The following NOL4L variants were observed in gnomAD, a reference collection of about 807,000 sequenced individuals.
The protein encoded by NOL4L is nucleolar protein 4 like.
NOL4L carries 7 observed loss-of-function variants against 64.5 expected under a neutral mutation model. The ratio of observed to expected loss-of-function variants is 0.11; its 90% CI spans 0.06 to 0.20. NOL4L has a LOEUF of 0.20. NOL4L is among the 10% of genes least tolerant of loss of function. The pLI is 1.00. For missense variants in NOL4L, 680 were observed against 967.1 expected (o/e 0.70, Z 3.94); for synonymous variants, 413 against 401.0 (o/e 1.03, Z -0.36).
At chr20:32,500,962 T>C (rs756733992) in intron 4 of NOL4L, among the ~76,000 whole-genome samples, 1 of 152,200 alleles carries the variant, frequency 6.6e-6, no homozygotes, top group African/African-American at 2.4e-5. Flanking sequence ...ACAAATCTCC[T>C]ATGCATAAGC....
At chr20:32,535,668 A>AT (rs1312602225) in intron 1 of NOL4L, 1 of 985,298 alleles carries the variant, frequency 1.0e-6, no homozygotes, top group Non-Finnish European at 1.2e-6. Context: ...ACGGCGCTAC[A>AT]TTTGAGGATG....
chr20:32,476,831 C>T (rs2015428124), intron 4 of NOL4L, among the ~76,000 whole-genome samples: 1 of 152,232 alleles, frequency 6.6e-6, no homozygotes, highest in African/African-American at 2.4e-5. Flanking sequence ...TTTGCCAGGG[C>T]AGCCCAGAAA....
chr20:32,461,623 C>G (rs1392478369), intron 5 of NOL4L, among the ~76,000 whole-genome samples: 1 of 151,188 alleles, frequency 6.6e-6, no homozygotes, highest in Non-Finnish European at 1.5e-5. Flanking sequence ...GGGGTTTCAC[C>G]GTGTTAGCCA....
chr20:32,582,733 G>A (rs1190928458), intron 1 of NOL4L, among the ~76,000 whole-genome samples: 1 of 152,234 alleles, frequency 6.6e-6, no homozygotes, highest in East Asian at 1.9e-4. Context: ...CCTGATGGCA[G>A]AGGGCACTGA....
In NOL4L at chr20:32,479,648, C is replaced by A. The variant is rs2015602169; in HGVS notation, c.700-4906G>T. On this transcript the variant is annotated intron_variant, in intron 4 of 10. Coordinates refer to ENST00000621426, the MANE Select transcript of NOL4L (RefSeq NM_001256798.2). Reference sequence around the variant, plus strand: ...CCCATGTGACTGGCCAGTCAGCTACCCCCTGGTTTCTCTAGCCTCTGCCCT... The same window carrying A: ...CCCATGTGACTGGCCAGTCAGCTACACCCTGGTTTCTCTAGCCTCTGCCCT... 2.0e-5 allele frequency among the ~76,000 whole-genome samples: 3 copies of A among 152,180 alleles called. No individual in the cohort carries two copies. In the South Asian group the frequency reaches 6.2e-4, roughly 32 times the overall value.
chr20:32,573,556 G>A (rs551567924), intron 1 of NOL4L: 8 of 156,666 alleles, frequency 5.1e-5, no homozygotes, highest in South Asian at 3.7e-4. Context: ...TCCACACCTT[G>A]GTATAGATAC....
rs1238799432 is a variant in NOL4L at position 32,563,994 on chromosome 20, G to A, written c.321+20576C>T. On this transcript the variant is annotated intron_variant, in intron 1 of 10. Coordinates refer to ENST00000621426, the MANE Select transcript of NOL4L (RefSeq NM_001256798.2). The stretch of plus-strand genomic sequence containing the variant: ...CTCCCAGGAAAGGCCGAGCTTGCAG[G>A]AGCAGGAAAGGTAATTGCTAATTTG... 2.0e-5 allele frequency among the ~76,000 whole-genome samples: 3 copies of A among 152,232 alleles called. No individual in the cohort carries two copies. In the East Asian group the frequency reaches 5.8e-4, roughly 29 times the overall value.
At chr20:32,515,019 C>T (rs557383401) in intron 3 of NOL4L, among the ~76,000 whole-genome samples, 3 of 152,180 alleles carry the variant, frequency 2.0e-5, no homozygotes, top group South Asian at 2.1e-4. Context: ...TACTGATGGT[C>T]GCCCCTGTCC....
intron 3 of NOL4L, among the ~76,000 whole-genome samples, chr20:32,514,719 C>T (rs371644597): frequency 2.0e-5 from 3 of 152,144 alleles, no homozygotes; most frequent in South Asian, 4.1e-4. Flanking sequence ...TTGACCGGGT[C>T]GGATGCCACA....
In NOL4L at chr20:32,474,939, G is replaced by A. The variant is rs575931855; in HGVS notation, c.700-197C>T. The A allele has an allele frequency of 1.3e-4, 128 of 985,432 alleles. No individual in the cohort carries two copies. The South Asian group carries it at 1.7e-3, about 13-fold the overall frequency. 61.0% of individuals were successfully genotyped at this position (985,432 alleles called of 1,614,324 possible). ...AGTGGCCCCGGCTCTGGTTCCTGTC[G>A]GAAGCCAAGGCTAAGGGCCGGCACT... is the stretch of plus-strand genomic sequence containing the variant. On this transcript the variant is annotated intron_variant, in intron 4 of 10. Transcript: ENST00000621426.
At chr20:32,488,849 T>G (rs1441856108) in intron 4 of NOL4L, among the ~76,000 whole-genome samples, 1 of 97,296 alleles carries the variant, frequency 1.0e-5, no homozygotes, top group Admixed American at 1.0e-4. Flanking sequence ...CTTTCTTTCT[T>G]TCTTTCTTTC....
intron 1 of NOL4L, among the ~76,000 whole-genome samples, chr20:32,573,211 C>G (rs1258761750): frequency 1.3e-5 from 2 of 152,024 alleles, no homozygotes; most frequent in Non-Finnish European, 1.5e-5. Context: ...GAGACACAGT[C>G]TCACTATATT....
intron 1 of NOL4L, chr20:32,535,881 C>T (rs987047242): frequency 2.0e-6 from 2 of 985,360 alleles, no homozygotes; most frequent in Non-Finnish European, 1.2e-6. Context: ...GGGAGGAGTA[C>T]TGTCCAGCAT....
intron 3 of NOL4L, among the ~76,000 whole-genome samples, chr20:32,517,301 C>T (rs1471356384): frequency 5.3e-5 from 8 of 152,210 alleles, no homozygotes; most frequent in African/African-American, 1.9e-4. Context: ...TCCCACCTTC[C>T]TGGGGCAGGA....
At chr20:32,458,115 G>T (rs1257938472) in intron 5 of NOL4L, among the ~76,000 whole-genome samples, 5 of 152,136 alleles carry the variant, frequency 3.3e-5, no homozygotes, top group Non-Finnish European at 2.9e-5. Context: ...CAGCGCCCAG[G>T]CCACCCACAT....
chr20:32,583,164 C>T (rs2145629787), intron 1 of NOL4L, among the ~76,000 whole-genome samples: 1 of 151,622 alleles, frequency 6.6e-6, no homozygotes, highest in East Asian at 2.0e-4. Flanking sequence ...TATCAGCGCT[C>T]CTCGCAGATG....
intron 4 of NOL4L, among the ~76,000 whole-genome samples, chr20:32,504,303 G>T (rs537868356): frequency 6.6e-6 from 1 of 152,274 alleles, no homozygotes; most frequent in African/African-American, 2.4e-5. Context: ...GCTCACGCCT[G>T]TAATCCCAGC....
At chr20:32,556,707 C>G (rs1978676611) in intron 1 of NOL4L, among the ~76,000 whole-genome samples, 1 of 152,204 alleles carries the variant, frequency 6.6e-6, no homozygotes, top group African/African-American at 2.4e-5. Flanking sequence ...GGAAACTGCT[C>G]TACCTCCTCC....
rs1477684744 is a variant in NOL4L, at chr20:32,463,411, G to A, written c.842-7016C>T. On this transcript the variant is annotated intron_variant, in intron 5 of 10. Coordinates refer to ENST00000621426, the MANE Select transcript of NOL4L (RefSeq NM_001256798.2). This position sits in a 1 kb window ranked among gnomAD's most constrained non-coding sequence, Gnocchi z 5.8. ...CCTGCCCCCAGCCCATGGCTGCGTG[G>A]GCAGCAGAGACATGTCCTGAGGGGC... Among the ~76,000 whole-genome samples, 1 of 152,182 alleles carries A rather than the reference G, an allele frequency of 6.6e-6. No individual in the cohort carries two copies. The highest frequency in any genetic ancestry group is 1.5e-5 in the Non-Finnish European group (1 of 68,014).
Sources: gnomAD v4.1 joint callset for allele counts (sites outside exome capture counted in the v4.1 genomes callset) on GRCh38, gnomAD v4.1.1 for gene constraint, Gnocchi (gnomAD v3.1) non-coding constraint, MANE v1.5 for transcripts, NCBI Gene and HGNC (gene_info 2026-07-23, HGNC 2026-07-21) for gene names.